RPS9: variants seen among roughly 807,000 people sequenced by gnomAD.
RPS9 encodes ribosomal protein S9.
In RPS9, 1 loss-of-function variant was observed where a neutral mutation model predicts 16.9. The observed-to-expected ratio is 0.06, with a 90% CI of 0.02 to 0.28. The LOEUF is 0.28. RPS9 is among the 10% of genes least tolerant of loss of function. The pLI, the probability that RPS9 is intolerant of heterozygous loss-of-function variation, is 1.00. For missense variants in RPS9, 137 were observed against 273.2 expected (o/e 0.50, Z 3.51); for synonymous variants, 106 against 110.9 (o/e 0.96, Z 0.28).
intron 3 of RPS9, chr19:54,202,953 T>G: frequency 2.1e-6 from 2 of 968,722 alleles, no homozygotes; most frequent in African/African-American, 3.5e-5. Context: ...CCACCTCAGC[T>G]TTCCAAAGTG....
chr19:54,201,729 C>G (rs927603768), intron 3 of RPS9, 120 bp downstream of exon 3: 10 of 1,494,838 alleles, frequency 6.7e-6, no homozygotes, highest in Middle Eastern at 1.8e-4. Context: ...AACCAGCCTT[C>G]TAACTTTTAG....
intron 3 of RPS9, 120 bp from the exon 4 acceptor site, chr19:54,206,156 C>T (rs995383846): frequency 1.8e-5 from 17 of 938,804 alleles, no homozygotes; most frequent in Admixed American, 2.5e-5. Flanking sequence ...ACGGTGATGG[C>T]GCTGTACTAC....
intron 4 of RPS9, 74 bp downstream of exon 4, chr19:54,206,536 C>A (rs774346186): frequency 6.3e-7 from 1 of 1,592,094 alleles, no homozygotes; most frequent in Non-Finnish European, 8.6e-7. Context: ...AGCCTGCTGT[C>A]CCTATCTCCT....
rs1187989520 is a variant in RPS9, at chr19:54,201,095, G to A, written c.-25-65G>A. 3 of 1,586,026 alleles carry A rather than the reference G, an allele frequency of 1.9e-6. No homozygotes were observed. The African/African-American group carries it at 4.0e-5, about 21-fold the overall frequency. On this transcript the variant is annotated intron_variant, in intron 1 of 4. Coordinates refer to ENST00000302907, the MANE Select transcript of RPS9 (RefSeq NM_001013.4). Reference sequence around the variant, plus strand: ...CGGATCTGGGCTCCGCGAGGTTTTGGCGTAGTTGTGGGACTGCGCAGGCGC... The same window carrying A: ...CGGATCTGGGCTCCGCGAGGTTTTGACGTAGTTGTGGGACTGCGCAGGCGC...
At position 54,206,284 on chromosome 19, in the gene RPS9, C is replaced by T. The variant is rs763041974; in HGVS notation, c.229C>T (p.Leu77=). The change falls in exon 4 of 5, where the codon CTG becomes TTG. Residue 77 remains leucine, a synonymous_variant. Coordinates refer to ENST00000302907, the MANE Select transcript of RPS9 (RefSeq NM_001013.4). ...CCTCCCACTCTTCCCAGGCAACGCC[C>T]TGCTGCGGCGGCTGGTCCGCATTGG... ...DPRRLFEGNA[L]LRRLVRIGVL... is the part of the protein sequence containing the mutation. 8 of 1,612,658 alleles carry T rather than the reference C, an allele frequency of 5.0e-6. No homozygotes were observed. Among genetic ancestry groups the T allele is most frequent in the Non-Finnish European group, 6.8e-6 (8 of 1,178,872 alleles).
Position 54,201,488 on chromosome 19 carries a change from C to G in RPS9, c.99C>G (p.Gly33=), listed in dbSNP as rs772740459. 7.4e-6 allele frequency: 12 copies of G among 1,613,872 alleles called. No individual in the cohort carries two copies. Among genetic ancestry groups the G allele is most frequent in the African/African-American group, 1.3e-5 (1 of 74,878 alleles). ...TGTCCACCCCCTTCTCCCCACCAGG[C>G]GAGTATGGGCTCCGGAACAAACGTG... The part of the protein sequence containing the change: ...SRLDQELKLI[G]EYGLRNKREV... The change falls in exon 3 of 5, where the codon GGC becomes GGG. Residue 33 remains glycine (G), a splice_region_variant and synonymous_variant. Transcript: ENST00000302907.
In RPS9 at chr19:54,201,260, G is replaced by T; in HGVS notation, c.76G>T (p.Asp26Tyr). The change falls in exon 2 of 5, where the codon GAC becomes TAC. Residue 26 changes from aspartate (D) to tyrosine (Y), a missense_variant. This residue lies in a region of RPS9 where 64 missense variants were observed against 164.0 expected (regional missense o/e 0.39). Transcript: ENST00000302907. ...GAGACCCTTCGAGAAATCTCGTCTCGACCAAGAGCTGAAGCTGATCGGTGA... is the reference window on the plus strand; with the variant it reads ...GAGACCCTTCGAGAAATCTCGTCTCTACCAAGAGCTGAAGCTGATCGGTGA... ...PRRPFEKSRL[D>Y]QELKLIGEYG... 1.2e-6 allele frequency: 2 copies of T among 1,613,348 alleles called. No individual in the cohort carries two copies. The highest frequency in any genetic ancestry group is 1.7e-6 in the Non-Finnish European group (2 of 1,179,442).
chr19:54,206,645 A>C (rs756242666), intron 4 of RPS9, 183 bp downstream of exon 4: 3 of 1,550,274 alleles, frequency 1.9e-6, no homozygotes, highest in Non-Finnish European at 2.6e-6. Context: ...TCTTGCCCCA[A>C]TAGCCCAGCG....
At position 54,207,037 on chromosome 19, in the gene RPS9, G is replaced by T. The variant is rs539054204; in HGVS notation, c.408-361G>T. 4.3e-5 allele frequency: 19 copies of T among 440,594 alleles called. No homozygotes were observed. In the South Asian group the frequency reaches 5.6e-4, roughly 13 times the overall value. The allele number at this position is 440,594 out of a possible 1,614,324, so 27.3% of individuals were successfully genotyped here. A position where few individuals can be genotyped will look rare whatever the true frequency, so the allele number is the denominator to read the frequency against. On this transcript the variant is annotated intron_variant, in intron 4 of 4. Transcript: ENST00000302907. ...GCCTCGGGTTGCTGTGTTATTGTGG[G>T]CATTGCTGCTGCACGTGGTAATACA...
intron 3 of RPS9, chr19:54,202,623 A>C: frequency 1.0e-6 from 1 of 985,396 alleles, no homozygotes; most frequent in Non-Finnish European, 1.2e-6. Flanking sequence ...CTACTCTGAG[A>C]TGCGGTGTTA....
In RPS9 at chr19:54,202,338, A is replaced by G. The variant is rs1371285144; in HGVS notation, c.220+729A>G. Reference sequence around the variant, plus strand: ...GTAGCTGGAATCACAGGCATGGGCCACCAAGCCTGGCTAATTTTCTATTAT... The same window carrying G: ...GTAGCTGGAATCACAGGCATGGGCCGCCAAGCCTGGCTAATTTTCTATTAT... On this transcript the variant is annotated intron_variant, in intron 3 of 4. Coordinates refer to ENST00000302907, the MANE Select transcript of RPS9 (RefSeq NM_001013.4). The G allele has an allele frequency of 5.3e-6, 4 of 755,598 alleles. No homozygotes were observed. In the African/African-American group the frequency reaches 5.7e-5, roughly 11 times the overall value. The allele number at this position is 755,598 out of a possible 1,614,324, so 46.8% of individuals were successfully genotyped here.
At position 54,200,925 on chromosome 19, in the gene RPS9, G is replaced by A. The variant is rs2077019840; in HGVS notation, c.-26+37G>A. ...TGGTGTGCTTTTTCTCTAGGGTTTG[G>A]GTTGGATGGTGGCCCGGGCCTTCCG... On this transcript the variant is annotated intron_variant, in intron 1 of 4. Transcript: ENST00000302907. 4.3e-6 allele frequency: 6 copies of A among 1,393,236 alleles called. No individual in the cohort carries two copies. The South Asian group carries it at 9.5e-5, about 22-fold the overall frequency. The allele number at this position is 1,393,236 out of a possible 1,614,324, so 86.3% of individuals were successfully genotyped here.
intron 3 of RPS9, chr19:54,202,500 G>A: frequency 1.0e-6 from 1 of 983,578 alleles, no homozygotes; most frequent in Non-Finnish European, 1.2e-6. Flanking sequence ...AGCATTTCAG[G>A]TGATGACTTT....
intron 3 of RPS9, chr19:54,202,963 G>A (rs952884054): frequency 2.1e-6 from 2 of 965,600 alleles, no homozygotes; most frequent in Non-Finnish European, 2.5e-6. Flanking sequence ...TTTCCAAAGT[G>A]CTGGGGTTAC....
rs1455371514 is a variant in RPS9, at chr19:54,206,418, G to A, written c.363G>A (p.Lys121=). The A allele has an allele frequency of 6.2e-7, 1 of 1,614,154 alleles. No homozygotes were observed. The highest frequency in any genetic ancestry group is 1.3e-5 in the African/African-American group (1 of 74,950). Residue 121 remains lysine (K), a synonymous_variant, in exon 4 of 5, where the codon AAG becomes AAA. Transcript: ENST00000302907. ...QTQVFKLGLA[K]SIHHARVLIR... is the part of the protein sequence containing the mutation. ...AGGTCTTCAAGCTGGGCTTGGCCAA[G>A]TCCATCCACCACGCTCGCGTGCTGA...
rs1256346892 is a variant in RPS9, at chr19:54,206,176, ACCGCCGCG to A, written c.221-99_221-92del. 5 of 1,208,716 alleles carry A rather than the reference ACCGCCGCG, an allele frequency of 4.1e-6. No individual in the cohort carries two copies. In the East Asian group the frequency reaches 1.2e-4, roughly 30 times the overall value. 74.9% of individuals were successfully genotyped at this position (1,208,716 alleles called of 1,614,324 possible). A position where few individuals can be genotyped will look rare whatever the true frequency, so the allele number is the denominator to read the frequency against. The stretch of plus-strand genomic sequence containing the variant: ...GATGGCGCTGTACTACTTGTGCCTC[ACCGCCGCG>A]GCATGGAGCTACCAAGAGGCGGAGC... On this transcript the variant is annotated intron_variant, in intron 3 of 4. Coordinates refer to ENST00000302907, the MANE Select transcript of RPS9 (RefSeq NM_001013.4).
At chr19:54,202,820 T>A (rs1284886864) in intron 3 of RPS9, 2 of 985,324 alleles carry the variant, frequency 2.0e-6, no homozygotes, top group Non-Finnish European at 2.4e-6. Context: ...GGCGCATGTT[T>A]AGCTACAGAT....
intron 4 of RPS9, 119 bp from the exon 5 acceptor site, chr19:54,207,279 G>A (rs563701008): frequency 3.5e-5 from 28 of 803,934 alleles, no homozygotes; most frequent in Middle Eastern, 3.6e-4. Context: ...TTCCTGCAGC[G>A]CCTTGGTGTC....
chr19:54,206,116 C>T (rs779096762), intron 3 of RPS9, among the ~76,000 whole-genome samples, 160 bp from the exon 4 acceptor site: 1 of 152,292 alleles, frequency 6.6e-6, no homozygotes, highest in African/African-American at 2.4e-5. Flanking sequence ...ACTCCCAGCC[C>T]GTAGGGTGGT....
Sources: gnomAD v4.1 joint callset for allele counts (sites outside exome capture counted in the v4.1 genomes callset) on GRCh38, gnomAD v4.1.1 for gene constraint, gnomAD v4.1.1 regional missense constraint, MANE v1.5 for transcripts, NCBI Gene and HGNC (gene_info 2026-07-23, HGNC 2026-07-21) for gene names.